The following DGKB variants were observed in gnomAD, a reference collection of about 807,000 sequenced individuals.
DGKB encodes diacylglycerol kinase beta.
In DGKB, 67 loss-of-function variants were observed where a neutral mutation model predicts 114.3. The ratio of observed to expected loss-of-function variants is 0.59; its 90% confidence interval spans 0.48 to 0.72. The LOEUF is 0.72. Among genes scored for constraint, DGKB ranks in the 30% least tolerant of loss-of-function variants. The pLI is 0.00. For synonymous variants in DGKB, 398 were observed against 323.1 expected (o/e 1.23, Z -2.49); for missense variants, 907 against 975.2 (o/e 0.93, Z 0.93).
chr7:14,167,501 A>T (rs1784780415), intron 25 of DGKB, among the ~76,000 whole-genome samples: 2 of 152,292 alleles, frequency 1.3e-5, no homozygotes, highest in African/African-American at 4.8e-5. Context: ...AGTAAAAAAA[A>T]AATATCAGAG....
At chr7:14,226,976 G>A (rs145700115) in intron 23 of DGKB, among the ~76,000 whole-genome samples, 3 of 152,066 alleles carry the variant, frequency 2.0e-5, no homozygotes, top group East Asian at 1.9e-4. Flanking sequence ...GGGCTCAAGC[G>A]ATCTTCTCAC....
chr7:14,959,311 T>C (rs1786702190), intron 1 of DGKB, among the ~76,000 whole-genome samples: 1 of 152,006 alleles, frequency 6.6e-6, no homozygotes, highest in Admixed American at 6.6e-5. Flanking sequence ...TGAAAGCTAC[T>C]GATTTTGACA....
chr7:14,552,158 A>G (rs968772761), intron 20 of DGKB, among the ~76,000 whole-genome samples: 2 of 152,194 alleles, frequency 1.3e-5, no homozygotes, highest in Admixed American at 6.5e-5. Flanking sequence ...CTCTAGCCAC[A>G]TGCAAGGGAA....
intron 1 of DGKB, among the ~76,000 whole-genome samples, chr7:14,944,104 A>T (rs974358753): frequency 1.3e-5 from 2 of 151,868 alleles, no homozygotes; most frequent in African/African-American, 4.8e-5. Flanking sequence ...TAAATTAATT[A>T]GTGTTGTTTT....
chr7:14,692,645 C>A (rs1823077460), intron 9 of DGKB, among the ~76,000 whole-genome samples: 1 of 151,074 alleles, frequency 6.6e-6, no homozygotes, highest in Non-Finnish European at 1.5e-5. Context: ...AATACTATTT[C>A]ACAAAATTTT....
chr7:14,336,480 G>A (rs1351481302), intron 23 of DGKB, among the ~76,000 whole-genome samples: 2 of 152,110 alleles, frequency 1.3e-5, no homozygotes, highest in Non-Finnish European at 1.5e-5. Flanking sequence ...GAGCTCTGCT[G>A]TTTTTTAACT....
chr7:14,220,520 C>T (rs772513290), intron 23 of DGKB, among the ~76,000 whole-genome samples: 28 of 151,644 alleles, frequency 1.8e-4, no homozygotes, highest in Non-Finnish European at 3.4e-4. Context: ...GTCTTGATTA[C>T]TCATGGTTTG....
chr7:14,464,250 G>T (rs1833520987), intron 21 of DGKB, among the ~76,000 whole-genome samples: 1 of 152,022 alleles, frequency 6.6e-6, no homozygotes, highest in South Asian at 2.1e-4. Context: ...GAACATAAAT[G>T]AATTTTATAT....
In DGKB at chr7:14,147,471, C is replaced by CAGTTG. The variant is rs1781599569; in HGVS notation, c.*1655_*1659dup. The CAGTTG allele has an allele frequency of 6.6e-6, 1 of 152,214 alleles. No individual in the cohort carries two copies. Among genetic ancestry groups the CAGTTG allele is most frequent in the African/African-American group, 2.4e-5 (1 of 41,556 alleles). The allele number at this position is 152,214 out of a possible 1,614,324, so 9.4% of individuals were successfully genotyped here. ...AGCAGCTATTTGATATAACAGCATT[C>CAGTTG]AGTTGAGTTTTCAAACCAAAGAACT... On this transcript the variant is annotated 3_prime_UTR_variant, in exon 26 of 26. Coordinates refer to ENST00000402815, the MANE Select transcript of DGKB (RefSeq NM_001350709.2).
rs574974901 is a variant in DGKB, at chr7:14,653,337, G to A, written c.1134+19592C>T. ...ATACTATGCAGCCATAAAAAATGAT[G>A]AGTTCACGTCCTTTGTAGGGACATG... On this transcript the variant is annotated intron_variant, in intron 13 of 25. Coordinates refer to ENST00000402815, the MANE Select transcript of DGKB (RefSeq NM_001350709.2). Among the ~76,000 whole-genome samples, 4 of 152,188 alleles carry A rather than the reference G, an allele frequency of 2.6e-5. No individual in the cohort carries two copies. In the South Asian group the frequency reaches 6.2e-4, roughly 24 times the overall value.
chr7:14,504,502 T>A (rs558847056), intron 20 of DGKB, among the ~76,000 whole-genome samples: 3 of 152,300 alleles, frequency 2.0e-5, no homozygotes, highest in East Asian at 3.9e-4. Context: ...TTGTTGACTA[T>A]TTTTTCCCTA....
At chr7:14,246,530 G>C (rs993039329) in intron 23 of DGKB, among the ~76,000 whole-genome samples, 1 of 152,032 alleles carries the variant, frequency 6.6e-6, no homozygotes, top group African/African-American at 2.4e-5. Flanking sequence ...TATATGATTT[G>C]CTATAAACTA....
intron 23 of DGKB, among the ~76,000 whole-genome samples, chr7:14,275,433 C>T (rs1425756698): frequency 1.3e-5 from 2 of 152,226 alleles, no homozygotes; most frequent in Non-Finnish European, 2.9e-5. Context: ...ACTTCTTCAA[C>T]TAATCCAGGC....
intron 2 of DGKB, among the ~76,000 whole-genome samples, chr7:14,762,751 A>G (rs1254764934): frequency 1.3e-5 from 2 of 152,108 alleles, no homozygotes; most frequent in East Asian, 3.9e-4. Context: ...ATTTAAAGCC[A>G]GCTAGATTTA....
At chr7:14,743,733 T>C (rs1832882424) in intron 4 of DGKB, among the ~76,000 whole-genome samples, 1 of 152,196 alleles carries the variant, frequency 6.6e-6, no homozygotes, top group Non-Finnish European at 1.5e-5. Context: ...ATTAAGGTTG[T>C]TATATTAAGT....
chr7:14,739,449 A>G (rs1005669654), intron 4 of DGKB, among the ~76,000 whole-genome samples: 1 of 152,170 alleles, frequency 6.6e-6, no homozygotes, highest in Non-Finnish European at 1.5e-5. Context: ...CTGGTATTCA[A>G]TTTGTGAGGT....
intron 23 of DGKB, among the ~76,000 whole-genome samples, chr7:14,280,023 A>G (rs1033475889): frequency 8.1e-5 from 12 of 147,930 alleles, no homozygotes; most frequent in East Asian, 1.9e-4. Context: ...TGACTTTGAC[A>G]AGCTGAGAGA....
chr7:14,475,747 T>A (rs537034096), intron 21 of DGKB, among the ~76,000 whole-genome samples: 5 of 152,094 alleles, frequency 3.3e-5, no homozygotes, highest in African/African-American at 1.2e-4. Flanking sequence ...ATAAAAAACA[T>A]TGAAGTTTAC....
chr7:14,346,030 A>T (rs1812419367), intron 21 of DGKB, among the ~76,000 whole-genome samples: 1 of 151,456 alleles, frequency 6.6e-6, no homozygotes, highest in South Asian at 2.1e-4. Flanking sequence ...AAAAAAATGC[A>T]GTATTTGATT....
Sources: allele counts gnomAD v4.1 joint callset (sites outside exome capture counted in the v4.1 genomes callset), GRCh38; gene constraint gnomAD v4.1.1; transcripts MANE v1.5; gene names NCBI Gene and HGNC (gene_info 2026-07-23, HGNC 2026-07-21).